The following CSMD1 variants were observed in gnomAD, a reference collection of about 807,000 sequenced individuals.
CSMD1 encodes CUB and Sushi multiple domains 1.
Under a neutral mutation model 417.5 loss-of-function variants are expected in CSMD1, and 213 were observed. The observed-to-expected ratio is 0.51, with a 90% CI of 0.46 to 0.57. The LOEUF (loss-of-function observed/expected upper bound fraction) is 0.57. Among genes scored for constraint, CSMD1 ranks in the 20% least tolerant of loss-of-function variants. The probability of loss-of-function intolerance (pLI) is 0.00; values close to 1 mark genes in which losing one functional copy is unlikely to be tolerated. For missense variants in CSMD1, 6,923 were observed against 4,529.7 expected (o/e 1.53, Z -15.17); for synonymous variants, 2,862 against 1,736.8 (o/e 1.65, Z -16.11).
At position 3,641,507 on chromosome 8, in the gene CSMD1, T is replaced by A. The variant is rs553168791; in HGVS notation, c.1010-24710A>T. On this transcript the variant is annotated intron_variant, in intron 7 of 69. Transcript: ENST00000635120. ...TAAACACTTAAAGTATAACTCGGTC[T>A]CTTGGGCAAACTTCATTATTTCAGC... is the stretch of plus-strand genomic sequence containing the variant. Among the ~76,000 whole-genome samples, 42 of 152,198 alleles carry A rather than the reference T, an allele frequency of 2.8e-4. 1 individual carries two copies. The highest frequency in any genetic ancestry group is 5.4e-4 in the Non-Finnish European group (37 of 68,032).
intron 26 of CSMD1, among the ~76,000 whole-genome samples, chr8:3,247,136 G>A (rs183014138): frequency 8.9e-4 from 136 of 152,260 alleles, no homozygotes; most frequent in African/African-American, 3.2e-3. Flanking sequence ...TGTCTCATTT[G>A]CCCCTAAATG....
chr8:4,223,501 C>T (rs1230202152), intron 3 of CSMD1, among the ~76,000 whole-genome samples: 1 of 152,220 alleles, frequency 6.6e-6, no homozygotes, highest in Non-Finnish European at 1.5e-5. Flanking sequence ...GATGATTGCA[C>T]AGGGCGTAAT....
At chr8:4,389,170 A>G (rs1043988884) in intron 3 of CSMD1, among the ~76,000 whole-genome samples, 2 of 152,204 alleles carry the variant, frequency 1.3e-5, no homozygotes, top group Admixed American at 6.5e-5. Context: ...AAAACACAAA[A>G]TAACATCAAC....
At chr8:4,053,800 A>C (rs1798556458) in intron 3 of CSMD1, among the ~76,000 whole-genome samples, 1 of 152,204 alleles carries the variant, frequency 6.6e-6, no homozygotes, top group Non-Finnish European at 1.5e-5. Flanking sequence ...CAGTATGTTT[A>C]AATGCCTAAA....
At chr8:3,753,095 G>T (rs906967283) in intron 6 of CSMD1, among the ~76,000 whole-genome samples, 2 of 152,168 alleles carry the variant, frequency 1.3e-5, no homozygotes, top group African/African-American at 4.8e-5. Flanking sequence ...GCACTGCAGG[G>T]CTTGGTGTCC....
chr8:4,500,538 G>A (rs1285128263), intron 2 of CSMD1, among the ~76,000 whole-genome samples: 1 of 152,222 alleles, frequency 6.6e-6, no homozygotes, highest in South Asian at 2.1e-4. Context: ...AATCTACAGA[G>A]TTTATCTTGG....
chr8:3,798,302 A>T (rs893350303), intron 5 of CSMD1, among the ~76,000 whole-genome samples: 4 of 152,124 alleles, frequency 2.6e-5, no homozygotes, highest in South Asian at 2.1e-4. Context: ...TCTTAGGATT[A>T]GTGCTTCGTC....
chr8:3,556,691 A>G (rs1309493406), intron 10 of CSMD1, among the ~76,000 whole-genome samples: 1 of 151,826 alleles, frequency 6.6e-6, no homozygotes, highest in African/African-American at 2.4e-5. Context: ...TACTGTAAGC[A>G]CCTTTAAATG....
chr8:4,909,320 C>T (rs1805506599), intron 1 of CSMD1, among the ~76,000 whole-genome samples: 1 of 89,134 alleles, frequency 1.1e-5, no homozygotes, highest in African/African-American at 3.2e-5. Context: ...CAGCAAAATA[C>T]CTCCTTTTAC....
chr8:3,537,376 T>C lies in CSMD1; in HGVS notation c.1344+37569A>G, dbSNP rs575657066. ...TTTATTGTTGTTTAGTGTACTTTTT[T>C]TATACATCATAAGTTATCATGCAAC... On this transcript the variant is annotated intron_variant, in intron 10 of 69. Transcript: ENST00000635120. Among the ~76,000 whole-genome samples the C allele has an allele frequency of 2.2e-3, 330 of 152,336 alleles. 1 individual carries two copies. Among genetic ancestry groups the C allele is most frequent in the African/African-American group, 7.6e-3 (317 of 41,580 alleles).
intron 3 of CSMD1, among the ~76,000 whole-genome samples, chr8:4,114,388 A>G (rs780175637): frequency 2.6e-5 from 4 of 152,212 alleles, no homozygotes; most frequent in Non-Finnish European, 5.9e-5. Context: ...CTGCTAGGAA[A>G]AAAAGATTCC....
At chr8:3,452,985 C>G (rs928190359) in intron 12 of CSMD1, among the ~76,000 whole-genome samples, 4 of 152,222 alleles carry the variant, frequency 2.6e-5, no homozygotes, top group Non-Finnish European at 5.9e-5. Flanking sequence ...ATTATTGCCT[C>G]TATTTCAGAG....
intron 5 of CSMD1, among the ~76,000 whole-genome samples, chr8:3,781,664 G>T (rs1310149648): frequency 6.6e-6 from 1 of 152,154 alleles, no homozygotes; most frequent in South Asian, 2.1e-4. Context: ...TGAATGGCAG[G>T]TGCCTAGGTT....
intron 5 of CSMD1, among the ~76,000 whole-genome samples, chr8:3,916,587 G>A (rs1031598357): frequency 3.9e-5 from 6 of 152,052 alleles, no homozygotes; most frequent in African/African-American, 1.4e-4. Context: ...ACATTATGTA[G>A]GTGACAATAT....
At chr8:3,579,588 T>C (rs7839777) in intron 9 of CSMD1, among the ~76,000 whole-genome samples, 2,590 of 152,246 alleles carry the variant, frequency 0.017, 79 homozygotes, top group African/African-American at 0.058. Context: ...TACGTCCAGA[T>C]TGTGAACCAT....
At position 4,535,066 on chromosome 8, in the gene CSMD1, A is replaced by C. The variant is rs1041875626; in HGVS notation, c.302+102276T>G. ...GTGAGCCACCACGCCTGGCCAATTTATTTCTTTATGTGTTTTCTCTCTTAT... is the reference window on the plus strand; with the variant it reads ...GTGAGCCACCACGCCTGGCCAATTTCTTTCTTTATGTGTTTTCTCTCTTAT... On this transcript the variant is annotated intron_variant, in intron 2 of 69. Transcript: ENST00000635120. Among the ~76,000 whole-genome samples the C allele has an allele frequency of 3.3e-5, 5 of 152,212 alleles. No homozygotes were observed. In the East Asian group the frequency reaches 7.7e-4, roughly 24 times the overall value.
rs192660729 is a variant in CSMD1 at position 4,329,714 on chromosome 8, C to T, written c.415+90239G>A. Among the ~76,000 whole-genome samples, 9 of 152,134 alleles carry T rather than the reference C, an allele frequency of 5.9e-5. No individual in the cohort carries two copies. The South Asian group carries it at 1.0e-3, about 18-fold the overall frequency. On this transcript the variant is annotated intron_variant, in intron 3 of 69. Coordinates refer to ENST00000635120, the MANE Select transcript of CSMD1 (RefSeq NM_033225.6). ...GATACCCAGTGTTGGAGATGAGGTC[C>T]GGTGGGAGGTATCTGGACTATGGGA...
At chr8:4,303,357 C>T (rs1231368527) in intron 3 of CSMD1, among the ~76,000 whole-genome samples, 1 of 150,898 alleles carries the variant, frequency 6.6e-6, no homozygotes, top group Admixed American at 6.6e-5. Flanking sequence ...CTTCCATCAC[C>T]AAAATCTTCA....
chr8:4,258,927 G>C (rs897567288), intron 3 of CSMD1, among the ~76,000 whole-genome samples: 4 of 152,118 alleles, frequency 2.6e-5, no homozygotes, highest in East Asian at 3.9e-4. Context: ...CTATGTTATA[G>C]ACAAACTTAT....
Sources: gnomAD v4.1 joint callset for allele counts (sites outside exome capture counted in the v4.1 genomes callset) on GRCh38, gnomAD v4.1.1 for gene constraint, MANE v1.5 for transcripts, NCBI Gene and HGNC (gene_info 2026-07-23, HGNC 2026-07-21) for gene names.